The following NCOA1 variants were observed in gnomAD, a reference collection of about 807,000 sequenced individuals.
NCOA1 encodes the protein Hin-2 protein.
Under a neutral mutation model 150.9 loss-of-function variants are expected in NCOA1, and 35 were observed. That is an observed-to-expected ratio of 0.23 (90% CI 0.18 to 0.31). The LOEUF is 0.31. Among genes scored for constraint, NCOA1 ranks in the 10% least tolerant of loss-of-function variants. NCOA1 has a pLI of 1.00. For missense variants in NCOA1, 1,491 were observed against 1,749.3 expected (o/e 0.85, Z 2.63); for synonymous variants, 590 against 630.0 (o/e 0.94, Z 0.95).
At chr2:24,637,152 T>C (rs529241110) in intron 3 of NCOA1, among the ~76,000 whole-genome samples, 1 of 151,324 alleles carries the variant, frequency 6.6e-6, no homozygotes, top group Non-Finnish European at 1.5e-5. Context: ...TACATATGTA[T>C]ACATGTGCCA....
Position 24,673,470 on chromosome 2 carries a change from G to A in NCOA1, c.354+7G>A. 1 of 1,560,860 alleles carries A rather than the reference G, an allele frequency of 6.4e-7. No individual in the cohort carries two copies. Among genetic ancestry groups the A allele is most frequent in the Non-Finnish European group, 8.7e-7 (1 of 1,152,014 alleles). On this transcript the variant is annotated splice_region_variant and intron_variant, in intron 7 of 22. Transcript: ENST00000348332. ...GGGACCTCTTCTTTTGGAGGTAGGTGTCTTCATTGACTCAGAAAGTGATTA... is the reference window on the plus strand; with the variant it reads ...GGGACCTCTTCTTTTGGAGGTAGGTATCTTCATTGACTCAGAAAGTGATTA...
At chr2:24,575,378 A>C (rs553922235) in intron 2 of NCOA1, among the ~76,000 whole-genome samples, 19 of 152,138 alleles carry the variant, frequency 1.2e-4, no homozygotes, top group Non-Finnish European at 2.4e-4. Context: ...TGCTTTCTTG[A>C]ATGTATTGAG....
intron 11 of NCOA1, among the ~76,000 whole-genome samples, chr2:24,698,318 A>G (rs746477506): frequency 1.3e-5 from 2 of 152,140 alleles, no homozygotes; most frequent in African/African-American, 2.4e-5. Context: ...AAGCATGTCA[A>G]AGGCCTTCTA....
intron 3 of NCOA1, among the ~76,000 whole-genome samples, chr2:24,605,046 T>TA (rs1260684954): frequency 1.3e-5 from 2 of 152,208 alleles, no homozygotes; most frequent in African/African-American, 4.8e-5. Flanking sequence ...AGTTAGAACA[T>TA]ACACATTTGT....
chr2:24,617,230 T>A (rs1164348970), intron 3 of NCOA1, among the ~76,000 whole-genome samples: 1 of 152,108 alleles, frequency 6.6e-6, no homozygotes, highest in Non-Finnish European at 1.5e-5. Context: ...TCATGCCTAA[T>A]TGGGGTTTAA....
chr2:24,539,052 C>G (rs1665281909), intron 1 of NCOA1, among the ~76,000 whole-genome samples: 1 of 152,154 alleles, frequency 6.6e-6, no homozygotes, highest in Non-Finnish European at 1.5e-5. Context: ...TTAGGAAGTA[C>G]AGATAAGCAA....
rs1330292401 is a variant in NCOA1, at chr2:24,706,890, TCTC to T, written c.1423_1425del (p.Pro475del). Reference sequence around the variant, plus strand: ...TAATCCCTCTTTAAACCTCAATAATTCTCCTATGGAAGGTACAGGAATATCCCT... The same window carrying T: ...TAATCCCTCTTTAAACCTCAATAATTCTATGGAAGGTACAGGAATATCCCT... On this transcript the variant is annotated inframe_deletion, in exon 13 of 23. Transcript: ENST00000348332. 1 of 1,613,964 alleles carries T rather than the reference TCTC, an allele frequency of 6.2e-7. No homozygotes were observed. Among genetic ancestry groups the T allele is most frequent in the South Asian group, 1.1e-5 (1 of 91,056 alleles).
intron 1 of NCOA1, among the ~76,000 whole-genome samples, chr2:24,493,002 A>G (rs1418829072): frequency 2.6e-5 from 4 of 151,532 alleles, no homozygotes; most frequent in East Asian, 1.9e-4. Flanking sequence ...AATAACAACG[A>G]AAGTTGGCCA....
At chr2:24,496,174 A>C (rs1015145591) in intron 1 of NCOA1, among the ~76,000 whole-genome samples, 2 of 152,128 alleles carry the variant, frequency 1.3e-5, no homozygotes, top group African/African-American at 4.8e-5. Context: ...GCATGCATTT[A>C]CCTCTCTAAT....
chr2:24,698,807 A>G (rs1673021097), intron 11 of NCOA1, among the ~76,000 whole-genome samples: 1 of 152,066 alleles, frequency 6.6e-6, no homozygotes, highest in Non-Finnish European at 1.5e-5. Flanking sequence ...AAGTTTACGG[A>G]TGATTTTCCA....
chr2:24,566,556 A>G (rs141976441), intron 2 of NCOA1, among the ~76,000 whole-genome samples: 17 of 152,272 alleles, frequency 1.1e-4, no homozygotes, highest in African/African-American at 3.9e-4. Flanking sequence ...CAGAAAAAGC[A>G]CTGTAAGTTT....
At chr2:24,517,559 A>G (rs1664256095) in intron 1 of NCOA1, among the ~76,000 whole-genome samples, 1 of 152,134 alleles carries the variant, frequency 6.6e-6, no homozygotes, top group South Asian at 2.1e-4. Context: ...AGAAACTAGA[A>G]GGCTAATTTA....
intron 1 of NCOA1, among the ~76,000 whole-genome samples, chr2:24,517,291 C>G (rs1372402717): frequency 6.6e-6 from 1 of 151,876 alleles, no homozygotes; most frequent in African/African-American, 2.4e-5. Context: ...TCCTTCCGTT[C>G]TGTGTGGAAT....
At chr2:24,755,829 C>G (rs1367221144) in intron 20 of NCOA1, among the ~76,000 whole-genome samples, 1 of 152,110 alleles carries the variant, frequency 6.6e-6, no homozygotes, top group Non-Finnish European at 1.5e-5. Context: ...TCATTGCAGT[C>G]CTTGAAGTTT....
In NCOA1 at chr2:24,619,387, A is replaced by C. The variant is rs55853455; in HGVS notation, c.-174-24579A>C. ...ATAATATGGCCTTAGATTCAAAATT[A>C]GTGAATCTACTACCAATAGTAGGAG... is the stretch of plus-strand genomic sequence containing the variant. On this transcript the variant is annotated intron_variant, in intron 3 of 22. Transcript: ENST00000348332. 7.6e-3 allele frequency among the ~76,000 whole-genome samples: 1,164 copies of C among 152,342 alleles called. 11 individuals are homozygous for C. The highest frequency in any genetic ancestry group is 0.024 in the African/African-American group (1,004 of 41,572).
In NCOA1 at chr2:24,711,234, C is replaced by T. The variant is rs563367520; in HGVS notation, c.2599+123C>T. ...GTGAAATATCTTTTTATTAATGCCA[C>T]TATAAATAATAAAACAGTTATATTT... On this transcript the variant is annotated intron_variant, in intron 14 of 22. Transcript: ENST00000348332. The T allele has an allele frequency of 3.3e-4, 300 of 918,036 alleles. 1 individual carries two copies. The highest frequency in any genetic ancestry group is 4.3e-4 in the Non-Finnish European group (275 of 640,838). 56.9% of individuals were successfully genotyped at this position (918,036 alleles called of 1,614,324 possible). A position where few individuals can be genotyped will look rare whatever the true frequency, so the allele number is the denominator to read the frequency against.
At chr2:24,605,094 A>G (rs1486922566) in intron 3 of NCOA1, among the ~76,000 whole-genome samples, 3 of 152,192 alleles carry the variant, frequency 2.0e-5, no homozygotes, top group Non-Finnish European at 4.4e-5. Flanking sequence ...TTACATGTTC[A>G]TGGTGCCCCA....
chr2:24,581,357 A>G (rs984110531), intron 2 of NCOA1, among the ~76,000 whole-genome samples: 2 of 152,216 alleles, frequency 1.3e-5, no homozygotes, highest in Non-Finnish European at 2.9e-5. Flanking sequence ...TGACATCACC[A>G]TTGTGGGGAG....
At position 24,733,535 on chromosome 2, in the gene NCOA1, G is replaced by A. The variant is rs183213142; in HGVS notation, c.3201+3720G>A. Among the ~76,000 whole-genome samples the A allele has an allele frequency of 4.6e-5, 7 of 150,554 alleles. No individual in the cohort carries two copies. In the East Asian group the frequency reaches 1.2e-3, roughly 26 times the overall value. On this transcript the variant is annotated intron_variant, in intron 17 of 22. Transcript: ENST00000348332. ...GAGGCGGGTGGGTTGCCTGAGCTCC[G>A]GAGTTCAAGACCACCCTGCGCAACA...
Sources: allele counts gnomAD v4.1 joint callset (sites outside exome capture counted in the v4.1 genomes callset), GRCh38; gene constraint gnomAD v4.1.1; transcripts MANE v1.5; gene names NCBI Gene and HGNC (gene_info 2026-07-23, HGNC 2026-07-21).